Variants in CNTNAP2 observed in about 807,000 individuals in gnomAD.
CNTNAP2 encodes the protein contactin-associated protein-like 2.
A neutral mutation model predicts 155.2 loss-of-function variants in CNTNAP2; 98 were observed. The ratio of observed to expected loss-of-function variants is 0.63; its 90% CI spans 0.54 to 0.75. CNTNAP2 has a LOEUF of 0.75. CNTNAP2 is among the 30% of genes least tolerant of loss of function. The probability of loss-of-function intolerance (pLI) is 0.00; values close to 1 mark genes in which losing one functional copy is unlikely to be tolerated. For synonymous variants in CNTNAP2, 651 were observed against 631.2 expected (o/e 1.03, Z -0.47); for missense variants, 1,727 against 1,688.1 (o/e 1.02, Z -0.40).
rs1795481430 is a variant in CNTNAP2 at position 146,878,812 on chromosome 7, C to T, written c.402+38908C>T. 2.0e-5 allele frequency among the ~76,000 whole-genome samples: 3 copies of T among 152,246 alleles called. No individual in the cohort carries two copies. In the South Asian group the frequency reaches 6.2e-4, roughly 32 times the overall value. Reference sequence around the variant, plus strand: ...CCTGCCGATCTTCTTACGCTTTCTTCCACCCTCTCCACTCCCCATTGAAAT... The same window carrying T: ...CCTGCCGATCTTCTTACGCTTTCTTTCACCCTCTCCACTCCCCATTGAAAT... On this transcript the variant is annotated intron_variant, in intron 3 of 23. Transcript: ENST00000361727.
chr7:147,147,790 C>G (rs532924968), intron 8 of CNTNAP2, among the ~76,000 whole-genome samples: 21 of 152,230 alleles, frequency 1.4e-4, no homozygotes, highest in African/African-American at 5.1e-4. Context: ...TCTACCTTTA[C>G]TAACTTGCTC....
At chr7:147,681,805 G>C (rs1461746546) in intron 13 of CNTNAP2, among the ~76,000 whole-genome samples, 1 of 151,846 alleles carries the variant, frequency 6.6e-6, no homozygotes, top group African/African-American at 2.4e-5. Context: ...AAGAGAGAGA[G>C]AGAGAGAGAC....
chr7:146,782,209 G>T (rs149613219), intron 2 of CNTNAP2: 1 of 151,952 alleles, frequency 6.6e-6, no homozygotes, highest in African/African-American at 2.4e-5. Flanking sequence ...TCACTCACAG[G>T]TAATTCATTA....
intron 21 of CNTNAP2, among the ~76,000 whole-genome samples, chr7:148,300,411 G>A (rs1797362624): frequency 6.6e-6 from 1 of 152,148 alleles, no homozygotes; most frequent in South Asian, 2.1e-4. Flanking sequence ...GATTGCATTT[G>A]GAGAGCATCA....
intron 10 of CNTNAP2, among the ~76,000 whole-genome samples, chr7:147,444,439 A>C (rs1158562998): frequency 6.6e-6 from 1 of 151,902 alleles, no homozygotes; most frequent in Non-Finnish European, 1.5e-5. Context: ...TAAAGCTTAC[A>C]TTATATTCTT....
In CNTNAP2 at chr7:146,375,065, A is replaced by G. The variant is rs145413931; in HGVS notation, c.97+258092A>G. On this transcript the variant is annotated intron_variant, in intron 1 of 23. Coordinates refer to ENST00000361727, the MANE Select transcript of CNTNAP2 (RefSeq NM_014141.6). ...ATATTGCCTTTGAAAGATACACTGG[A>G]AAATTTATTTTTAAAACTTCACTTG... Among the ~76,000 whole-genome samples, 372 of 152,324 alleles carry G rather than the reference A, an allele frequency of 2.4e-3. 1 individual carries two copies. Among genetic ancestry groups the G allele is most frequent in the Non-Finnish European group, 4.1e-3 (276 of 68,024 alleles).
chr7:147,600,277 C>G (rs1460365456), intron 12 of CNTNAP2, among the ~76,000 whole-genome samples: 2 of 152,052 alleles, frequency 1.3e-5, no homozygotes, highest in African/African-American at 4.8e-5. Context: ...CCTCTTTTTG[C>G]TTTTTTGCTT....
intron 13 of CNTNAP2, among the ~76,000 whole-genome samples, chr7:147,822,891 T>C (rs1175531155): frequency 6.6e-6 from 1 of 152,192 alleles, no homozygotes; most frequent in Non-Finnish European, 1.5e-5. Flanking sequence ...TTTGTATTAC[T>C]CTACTCTTAT....
chr7:147,749,389 C>A (rs1170068817), intron 13 of CNTNAP2, among the ~76,000 whole-genome samples: 1 of 152,056 alleles, frequency 6.6e-6, no homozygotes, highest in African/African-American at 2.4e-5. Flanking sequence ...CCATTTTTTA[C>A]TTTCATAGGT....
intron 1 of CNTNAP2, among the ~76,000 whole-genome samples, chr7:146,677,246 A>T (rs1193178860): frequency 1.3e-5 from 2 of 152,304 alleles, no homozygotes; most frequent in Non-Finnish European, 2.9e-5. Context: ...ATAGGTGGAT[A>T]CAAAGGTTTT....
At chr7:147,919,459 C>CTTTCTTTCTTTTTTTTTTT (rs58537091) in intron 14 of CNTNAP2, among the ~76,000 whole-genome samples, 1,009 of 51,208 alleles carry the variant, frequency 0.02, 137 homozygotes, top group African/African-American at 0.1. Flanking sequence ...CTTTTTCTTT[C>CTTTCTTTCTTTTTTTTTTT]TTTTTTTTTT....
At chr7:147,608,615 C>A (rs183793042) in intron 12 of CNTNAP2, among the ~76,000 whole-genome samples, 1 of 152,098 alleles carries the variant, frequency 6.6e-6, no homozygotes, top group East Asian at 1.9e-4. Context: ...AACTACATTT[C>A]AAATGGATGT....
intron 1 of CNTNAP2, among the ~76,000 whole-genome samples, chr7:146,211,014 T>C (rs1179877153): frequency 1.3e-5 from 2 of 152,168 alleles, no homozygotes; most frequent in Non-Finnish European, 2.9e-5. Flanking sequence ...TGAATGTTGA[T>C]TTTGGAGAAA....
chr7:146,910,750 G>A (rs112063259), intron 3 of CNTNAP2, among the ~76,000 whole-genome samples: 5,461 of 148,626 alleles, frequency 0.037, 150 homozygotes, highest in Middle Eastern at 0.09. Flanking sequence ...CATGGGCAAG[G>A]ACTTCATGTC....
chr7:148,102,763 A>G (rs998292870), intron 15 of CNTNAP2, among the ~76,000 whole-genome samples: 1 of 152,174 alleles, frequency 6.6e-6, no homozygotes, highest in Non-Finnish European at 1.5e-5. Flanking sequence ...TGCAGTTTGC[A>G]TATAGCTTTG....
At chr7:146,717,605 G>T (rs1192626121) in intron 1 of CNTNAP2, among the ~76,000 whole-genome samples, 2 of 151,920 alleles carry the variant, frequency 1.3e-5, no homozygotes, top group East Asian at 3.9e-4. Context: ...TTTTGGCACT[G>T]CCATTGGTCA....
At chr7:147,821,747 A>G (rs924342704) in intron 13 of CNTNAP2, among the ~76,000 whole-genome samples, 8 of 152,136 alleles carry the variant, frequency 5.3e-5, no homozygotes, top group African/African-American at 1.7e-4. Context: ...AGCACGGTGA[A>G]TGTGGTGCAG....
chr7:146,243,645 C>T (rs1003929494), intron 1 of CNTNAP2, among the ~76,000 whole-genome samples: 15 of 151,916 alleles, frequency 9.9e-5, no homozygotes, highest in Non-Finnish European at 1.8e-4. Flanking sequence ...GATGTGGGTT[C>T]GAATTTGAAC....
intron 3 of CNTNAP2, among the ~76,000 whole-genome samples, chr7:146,931,045 A>C (rs1375056379): frequency 6.6e-6 from 1 of 152,102 alleles, no homozygotes; most frequent in Non-Finnish European, 1.5e-5. Flanking sequence ...AAAGTTAACA[A>C]GGATACCCAG....
Sources: gnomAD v4.1 joint callset for allele counts (sites outside exome capture counted in the v4.1 genomes callset) on GRCh38, gnomAD v4.1.1 for gene constraint, MANE v1.5 for transcripts, NCBI Gene and HGNC (gene_info 2026-07-23, HGNC 2026-07-21) for gene names.